Variants in LIN52 observed in about 807,000 individuals in gnomAD.
LIN52 encodes protein lin-52 homolog.
LIN52 carries 4 observed loss-of-function variants against 18.5 expected under a neutral mutation model. That is an observed-to-expected ratio of 0.22 (90% CI 0.11 to 0.49). LIN52 has a LOEUF of 0.49. Ranked by LOEUF, LIN52 falls within the 20% of genes least tolerant of loss-of-function variation. The probability of loss-of-function intolerance (pLI) is 0.97; values close to 1 mark genes in which losing one functional copy is unlikely to be tolerated. For missense variants in LIN52, 102 were observed against 139.5 expected (o/e 0.73, Z 1.35); for synonymous variants, 34 against 45.5 (o/e 0.75, Z 1.02).
At chr14:74,167,211 A>G (rs2061253709) in intron 5 of LIN52, among the ~76,000 whole-genome samples, 1 of 151,212 alleles carries the variant, frequency 6.6e-6, no homozygotes, top group Non-Finnish European at 1.5e-5. Context: ...AAAGCATAGG[A>G]GACAAATGTT....
Position 74,199,194 on chromosome 14 carries a change from A to G in LIN52, c.*217A>G, listed in dbSNP as rs377363131. 4.6e-6 allele frequency: 2 copies of G among 430,246 alleles called. No individual in the cohort carries two copies. Among genetic ancestry groups the G allele is most frequent in the Non-Finnish European group, 8.2e-6 (2 of 242,594 alleles). The allele number at this position is 430,246 out of a possible 1,614,324, so 26.7% of individuals were successfully genotyped here. A position where few individuals can be genotyped will look rare whatever the true frequency, so the allele number is the denominator to read the frequency against. ...AAGGATCATTGCAGTTACTCAATCA[A>G]CTTTCAGACTTGAACCTTCTTAGCC... is the stretch of plus-strand genomic sequence containing the variant. On this transcript the variant is annotated 3_prime_UTR_variant, in exon 6 of 6. Transcript: ENST00000555028.
chr14:74,197,073 A>G (rs897518001), intron 5 of LIN52, among the ~76,000 whole-genome samples: 8 of 152,238 alleles, frequency 5.3e-5, no homozygotes, highest in African/African-American at 1.9e-4. Context: ...ATTAAGGGAA[A>G]TGATTTTCTT....
rs139197700 is a variant in LIN52 at position 74,093,822 on chromosome 14, CT to C, written c.95-2125del. On this transcript the variant is annotated intron_variant, in intron 2 of 5. Transcript: ENST00000555028. ...TTCTACTAAAAATACAAAAAATTAG[CT>C]GAGCGTGGTGGCACATGCCTGTAAT... Among the ~76,000 whole-genome samples, 1,049 of 152,216 alleles carry C rather than the reference CT, an allele frequency of 6.9e-3. 15 individuals carry two copies. The highest frequency in any genetic ancestry group is 0.024 in the African/African-American group (1,010 of 41,534).
chr14:74,158,362 C>T (rs1327058466), intron 5 of LIN52, among the ~76,000 whole-genome samples: 1 of 152,192 alleles, frequency 6.6e-6, no homozygotes, highest in African/African-American at 2.4e-5. Context: ...ATCCTCTCGC[C>T]TCAGCCTCCC....
chr14:74,195,041 G>C (rs142667304), intron 5 of LIN52, among the ~76,000 whole-genome samples: 5 of 152,250 alleles, frequency 3.3e-5, no homozygotes, highest in African/African-American at 1.2e-4. Flanking sequence ...AGCTACTTGA[G>C]AGACTGTGGC....
chr14:74,151,580 C>T (rs776249785), intron 5 of LIN52, among the ~76,000 whole-genome samples: 1 of 152,164 alleles, frequency 6.6e-6, no homozygotes. Flanking sequence ...TGAATAGATT[C>T]TCTTTTTTAA....
At chr14:74,161,186 T>A (rs944114805) in intron 5 of LIN52, among the ~76,000 whole-genome samples, 3 of 151,912 alleles carry the variant, frequency 2.0e-5, no homozygotes, top group African/African-American at 7.3e-5. Context: ...CAGGGAAAAA[T>A]TTATTTATTT....
intron 1 of LIN52, among the ~76,000 whole-genome samples, chr14:74,090,429 G>A (rs1454644631): frequency 2.6e-5 from 4 of 151,874 alleles, no homozygotes; most frequent in Admixed American, 1.3e-4. Flanking sequence ...TCTGCCTCCC[G>A]GGTTTAAGCA....
chr14:74,190,552 T>C (rs2061359408), intron 5 of LIN52, among the ~76,000 whole-genome samples: 1 of 151,792 alleles, frequency 6.6e-6, no homozygotes, highest in African/African-American at 2.4e-5. Context: ...CCACCATGCC[T>C]AGCTAATTTT....
intron 5 of LIN52, among the ~76,000 whole-genome samples, chr14:74,173,864 C>A (rs2061281053): frequency 6.6e-6 from 1 of 152,080 alleles, no homozygotes; most frequent in Admixed American, 6.5e-5. Flanking sequence ...TTTATCCAGA[C>A]CATTGATTAA....
At chr14:74,089,870 C>T (rs1487782359) in intron 1 of LIN52, among the ~76,000 whole-genome samples, 1 of 152,100 alleles carries the variant, frequency 6.6e-6, no homozygotes, top group African/African-American at 2.4e-5. Context: ...TGTCTGTGTG[C>T]ACTCAATCCT....
chr14:74,186,538 G>C (rs142740354), intron 5 of LIN52, among the ~76,000 whole-genome samples: 38 of 152,266 alleles, frequency 2.5e-4, no homozygotes, highest in Non-Finnish European at 4.4e-4. Flanking sequence ...GGGAGGCTGA[G>C]GCAGGTGGAT....
intron 5 of LIN52, among the ~76,000 whole-genome samples, chr14:74,143,455 A>C (rs1457932501): frequency 6.6e-6 from 1 of 152,176 alleles, no homozygotes; most frequent in Non-Finnish European, 1.5e-5. Context: ...TGGGAAGCTG[A>C]AGTGGGAGGA....
At chr14:74,119,509 T>A (rs1420657596) in intron 5 of LIN52, among the ~76,000 whole-genome samples, 6 of 152,120 alleles carry the variant, frequency 3.9e-5, no homozygotes, top group Non-Finnish European at 5.9e-5. Context: ...GTGGAATTGC[T>A]AGATCATAGG....
At chr14:74,152,797 T>G (rs376754518) in intron 5 of LIN52, among the ~76,000 whole-genome samples, 13 of 151,900 alleles carry the variant, frequency 8.6e-5, no homozygotes, top group African/African-American at 2.9e-4. Context: ...CCATCTCTAC[T>G]AAAAATACAA....
chr14:74,152,457 C>T (rs141090578), intron 5 of LIN52, among the ~76,000 whole-genome samples: 1 of 152,206 alleles, frequency 6.6e-6, no homozygotes, highest in African/African-American at 2.4e-5. Flanking sequence ...ACTTCATTCA[C>T]TAAGTGCTTT....
At chr14:74,097,575 G>T (rs572253502) in intron 3 of LIN52, among the ~76,000 whole-genome samples, 48 of 152,088 alleles carry the variant, frequency 3.2e-4, no homozygotes, top group Non-Finnish European at 5.9e-4. Flanking sequence ...TGAGATTACA[G>T]GTGTGTGCCA....
chr14:74,128,470 A>G (rs1048174744), intron 5 of LIN52, among the ~76,000 whole-genome samples: 4 of 152,204 alleles, frequency 2.6e-5, no homozygotes, highest in South Asian at 2.1e-4. Flanking sequence ...CCACTGGGCC[A>G]GTAATAGTGC....
At position 74,100,691 on chromosome 14, in the gene LIN52, GTC is replaced by G. The variant is rs1399477226; in HGVS notation, c.200-461_200-460del. Among the ~76,000 whole-genome samples the G allele has an allele frequency of 2.0e-5, 3 of 152,290 alleles. No individual in the cohort carries two copies. The East Asian group carries it at 5.8e-4, about 29-fold the overall frequency. ...GGGTTTCGCCAGGTTGGCCAGGCTG[GTC>G]TCAAACCCCTGACCTCGGGTGATCT... On this transcript the variant is annotated intron_variant, in intron 4 of 5. Transcript: ENST00000555028.
Sources: allele counts gnomAD v4.1 joint callset (sites outside exome capture counted in the v4.1 genomes callset), GRCh38; gene constraint gnomAD v4.1.1; transcripts MANE v1.5; gene names NCBI Gene and HGNC (gene_info 2026-07-23, HGNC 2026-07-21).